PLD1: variants seen among roughly 807,000 people sequenced by gnomAD.
The protein encoded by PLD1 is choline phosphatase 1.
A neutral mutation model predicts 137.1 loss-of-function variants in PLD1; 112 were observed. That is an observed-to-expected ratio of 0.82 (90% CI 0.70 to 0.96). The LOEUF (loss-of-function observed/expected upper bound fraction) is 0.96, where lower values mean the gene tolerates loss of function less well. Among genes scored for constraint, PLD1 ranks in the 40% least tolerant of loss-of-function variants. The pLI, the probability that PLD1 is intolerant of heterozygous loss-of-function variation, is 0.00. For missense variants in PLD1, 1,321 were observed against 1,342.0 expected, an observed-to-expected ratio of 0.98 and a Z score of 0.24; for synonymous variants, 431 against 454.7, an observed-to-expected ratio of 0.95 and a Z score of 0.66.
intron 25 of PLD1, among the ~76,000 whole-genome samples, chr3:171,606,009 C>T (rs540089886): frequency 1.3e-3 from 197 of 152,270 alleles, no homozygotes; most frequent in African/African-American, 4.6e-3. Flanking sequence ...TATTAAAATA[C>T]GGCTGCTGTA....
rs889901090 is a variant in PLD1, at chr3:171,806,246, G to GA, written c.-32+4152dup. Among the ~76,000 whole-genome samples the GA allele has an allele frequency of 1.1e-4, 17 of 151,782 alleles. No homozygotes were observed. The East Asian group carries it at 1.7e-3, about 15-fold the overall frequency. On this transcript the variant is annotated intron_variant, in intron 1 of 26. Transcript: ENST00000351298. ...TAAAAATTAAGAAAGTTTCACAACAGAAAAAAAACACTGTGACACTATGAA... is the reference window on the plus strand; with the variant it reads ...TAAAAATTAAGAAAGTTTCACAACAGAAAAAAAAACACTGTGACACTATGAA...
Position 171,602,386 on chromosome 3 carries a change from TG to T in PLD1, c.*691del. On this transcript the variant is annotated 3_prime_UTR_variant, in exon 27 of 27. Transcript: ENST00000351298. ...TTGGGAGCAAAATGAAATAAATCTC[TG>T]TCTCAATATTGGAATTTATTCCTTC... 6.6e-6 allele frequency: 1 copy of T among 152,480 alleles called. No individual in the cohort carries two copies. The highest frequency in any genetic ancestry group is 2.4e-5 in the African/African-American group (1 of 41,578). 9.4% of individuals were successfully genotyped at this position (152,480 alleles called of 1,614,324 possible).
intron 19 of PLD1, among the ~76,000 whole-genome samples, chr3:171,669,993 G>C (rs1712579686): frequency 6.6e-6 from 1 of 152,146 alleles, no homozygotes; most frequent in African/African-American, 2.4e-5. Context: ...AAATAAGCTT[G>C]TGGCTTCTAA....
intron 21 of PLD1, among the ~76,000 whole-genome samples, chr3:171,654,798 T>C (rs555367465): frequency 6.7e-6 from 1 of 149,764 alleles, no homozygotes; most frequent in Non-Finnish European, 1.5e-5. Flanking sequence ...ATTTGTTTTT[T>C]GTTTTTTTTT....
chr3:171,645,888 A>G (rs1352122907), intron 21 of PLD1, among the ~76,000 whole-genome samples: 1 of 150,250 alleles, frequency 6.7e-6, no homozygotes, highest in African/African-American at 2.5e-5. Context: ...CATCTCAAAA[A>G]AAAAAAAAAA....
intron 21 of PLD1, among the ~76,000 whole-genome samples, chr3:171,648,682 G>A (rs1455599814): frequency 2.0e-5 from 3 of 151,918 alleles, no homozygotes; most frequent in Non-Finnish European, 4.4e-5. Flanking sequence ...AGCTTCCCGA[G>A]TAGCTGGCGC....
chr3:171,732,935 C>G (rs1467667556), intron 6 of PLD1, among the ~76,000 whole-genome samples: 1 of 152,162 alleles, frequency 6.6e-6, no homozygotes, highest in African/African-American at 2.4e-5. Flanking sequence ...TTGGATTCCT[C>G]AAGGGTTTTT....
intron 6 of PLD1, among the ~76,000 whole-genome samples, chr3:171,732,429 A>T (rs1374430542): frequency 6.6e-6 from 1 of 152,176 alleles, no homozygotes; most frequent in East Asian, 1.9e-4. Flanking sequence ...ACCTGGATCC[A>T]GGTCACCTGT....
rs542573867 is a variant in PLD1 at position 171,755,797 on chromosome 3, A to T, written c.-31-17715T>A. Among the ~76,000 whole-genome samples the T allele has an allele frequency of 6.1e-4, 93 of 152,262 alleles. 1 individual carries two copies. The highest frequency in any genetic ancestry group is 2.1e-3 in the African/African-American group (89 of 41,538). Reference sequence around the variant, plus strand: ...CTCTCAGTAACTGTTTCCAACTGCGATCCTTGTCCTGATCTTCAGACCTAT... The same window carrying T: ...CTCTCAGTAACTGTTTCCAACTGCGTTCCTTGTCCTGATCTTCAGACCTAT... On this transcript the variant is annotated intron_variant, in intron 1 of 26. Coordinates refer to ENST00000351298, the MANE Select transcript of PLD1 (RefSeq NM_002662.5).
chr3:171,784,584 C>T (rs1004334300), intron 1 of PLD1, among the ~76,000 whole-genome samples: 7 of 152,192 alleles, frequency 4.6e-5, no homozygotes, highest in African/African-American at 1.7e-4. Context: ...CCCCATTCTT[C>T]CCAAAGAATG....
intron 24 of PLD1, among the ~76,000 whole-genome samples, chr3:171,618,713 A>AGT (rs529980104): frequency 0.06 from 8,120 of 134,596 alleles, 317 homozygotes; most frequent in African/African-American, 0.089. Flanking sequence ...AAATATTAAA[A>AGT]GTGTGTATGT....
intron 1 of PLD1, among the ~76,000 whole-genome samples, chr3:171,745,992 G>A (rs1014477772): frequency 6.7e-6 from 1 of 149,834 alleles, no homozygotes; most frequent in African/African-American, 2.5e-5. Context: ...AGCGGCTGGC[G>A]CCACCGGCCC....
intron 16 of PLD1, among the ~76,000 whole-genome samples, chr3:171,681,024 A>G (rs1713917681): frequency 6.6e-6 from 1 of 152,214 alleles, no homozygotes; most frequent in Non-Finnish European, 1.5e-5. Context: ...TCTGATTTTC[A>G]AAGTCCTCCG....
intron 1 of PLD1, among the ~76,000 whole-genome samples, chr3:171,749,174 A>T (rs1432464090): frequency 2.6e-5 from 4 of 152,136 alleles, no homozygotes; most frequent in African/African-American, 9.7e-5. Context: ...TGAAGAAAAA[A>T]CCTACAGTGT....
intron 9 of PLD1, 85 bp from the exon 10 acceptor site, chr3:171,709,794 A>T: frequency 1.6e-6 from 2 of 1,212,956 alleles, no homozygotes; most frequent in Non-Finnish European, 2.3e-6. Context: ...TACCAAACAC[A>T]AACTGAAAAT....
chr3:171,773,644 G>T (rs1358631177), intron 1 of PLD1, among the ~76,000 whole-genome samples: 3 of 152,032 alleles, frequency 2.0e-5, no homozygotes, highest in Admixed American at 6.5e-5. Flanking sequence ...AATGAATAAG[G>T]ATAGCTATTA....
chr3:171,738,114 A>G (rs1380162354), intron 1 of PLD1, 32 bp from the exon 2 acceptor site: 8 of 1,323,234 alleles, frequency 6.0e-6, no homozygotes, highest in African/African-American at 2.9e-5. Context: ...ACAAAGACTT[A>G]GCATTTTGAT....
At chr3:171,642,235 A>G (rs528771566) in intron 23 of PLD1, among the ~76,000 whole-genome samples, 3 of 151,934 alleles carry the variant, frequency 2.0e-5, no homozygotes, top group Admixed American at 2.0e-4. Context: ...CGGGTGGATC[A>G]CCTGAGGTCA....
chr3:171,773,640 T>A (rs957779192), intron 1 of PLD1, among the ~76,000 whole-genome samples: 1 of 151,914 alleles, frequency 6.6e-6, no homozygotes, highest in Non-Finnish European at 1.5e-5. Context: ...CTAAAATGAA[T>A]AAGGATAGCT....
Sources: gnomAD v4.1 joint callset for allele counts (sites outside exome capture counted in the v4.1 genomes callset) on GRCh38, gnomAD v4.1.1 for gene constraint, MANE v1.5 for transcripts, NCBI Gene and HGNC (gene_info 2026-07-23, HGNC 2026-07-21) for gene names.